Variants in C9orf85 observed in about 807,000 individuals in gnomAD.
C9orf85 encodes chromosome 9 open reading frame 85.
Under a neutral mutation model 14.9 loss-of-function variants are expected in C9orf85, and 16 were observed. That is an observed-to-expected ratio of 1.08 (90% CI 0.73 to 1.63). The LOEUF (loss-of-function observed/expected upper bound fraction) is 1.63, where lower values mean the gene tolerates loss of function less well. C9orf85 is among the 40% of genes most tolerant of loss of function. The probability of loss-of-function intolerance (pLI) is 0.00; values close to 1 mark genes in which losing one functional copy is unlikely to be tolerated. For synonymous variants in C9orf85, 45 were observed against 56.8 expected (o/e 0.79, Z 0.93); for missense variants, 172 against 186.1 (o/e 0.92, Z 0.44).
At chr9:71,941,664 A>G (rs1467401987) in intron 1 of C9orf85, 2 of 152,220 alleles carry the variant, frequency 1.3e-5, no homozygotes, top group Non-Finnish European at 2.9e-5. Context: ...GAGAGATAAC[A>G]GATATACAGT....
intron 1 of C9orf85, among the ~76,000 whole-genome samples, chr9:71,916,209 C>T (rs1827645994): frequency 6.6e-6 from 1 of 151,984 alleles, no homozygotes; most frequent in African/African-American, 2.4e-5. Context: ...AAGGAAAGCT[C>T]CCCAAAAATC....
At chr9:71,919,165 T>G (rs1018663922) in intron 1 of C9orf85, among the ~76,000 whole-genome samples, 3 of 152,224 alleles carry the variant, frequency 2.0e-5, no homozygotes, top group African/African-American at 7.2e-5. Context: ...GGGAAAAACC[T>G]TTACTGTACT....
downstream of C9orf85, among the ~76,000 whole-genome samples, chr9:71,975,136 A>G (rs1822977253): frequency 6.6e-6 from 1 of 152,194 alleles, no homozygotes; most frequent in Non-Finnish European, 1.5e-5. Context: ...ACAAAAATAT[A>G]AAATCTTATC....
intron 2 of C9orf85, among the ~76,000 whole-genome samples, chr9:71,962,495 C>T (rs974038264): frequency 3.3e-5 from 5 of 152,160 alleles, no homozygotes; most frequent in African/African-American, 1.2e-4. Context: ...GGGTGGAGTA[C>T]TGTGGAACAC....
intron 2 of C9orf85, among the ~76,000 whole-genome samples, chr9:71,970,758 TAG>T (rs749199597): frequency 6.6e-6 from 1 of 152,090 alleles, no homozygotes; most frequent in Non-Finnish European, 1.5e-5. Context: ...GGAATTTTAA[TAG>T]AGAGTTCATT....
intron 1 of C9orf85, among the ~76,000 whole-genome samples, chr9:71,920,696 T>C (rs1021500467): frequency 7.9e-5 from 12 of 152,220 alleles, no homozygotes. Flanking sequence ...TCAACCTCAA[T>C]GGCTGGTGCT....
intron 3 of C9orf85, among the ~76,000 whole-genome samples, chr9:71,972,150 A>G (rs1450457149): frequency 6.6e-6 from 1 of 152,202 alleles, no homozygotes; most frequent in East Asian, 1.9e-4. Context: ...TTACAAAAGA[A>G]TTACACATTA....
intron 1 of C9orf85, among the ~76,000 whole-genome samples, chr9:71,912,172 G>A (rs1268365514): frequency 6.6e-6 from 1 of 151,962 alleles, no homozygotes; most frequent in African/African-American, 2.4e-5. Context: ...ATTGTGGCAT[G>A]AGTGGCTTTT....
intron 1 of C9orf85, among the ~76,000 whole-genome samples, chr9:71,916,975 T>C (rs563545763): frequency 1.2e-4 from 18 of 152,312 alleles, no homozygotes; most frequent in African/African-American, 4.3e-4. Flanking sequence ...CTAAGATAGA[T>C]GCAAAATGAT....
intron 1 of C9orf85, among the ~76,000 whole-genome samples, chr9:71,920,085 G>A (rs571492175): frequency 1.3e-5 from 2 of 152,134 alleles, no homozygotes; most frequent in East Asian, 1.9e-4. Context: ...TCTTGACCTC[G>A]TGATCTGCCT....
intron 3 of C9orf85, among the ~76,000 whole-genome samples, chr9:71,980,315 A>G (rs1258929240): frequency 6.6e-6 from 1 of 152,066 alleles, no homozygotes; most frequent in Non-Finnish European, 1.5e-5. Context: ...CACCTGGCCT[A>G]TATTTTTTCT....
intron 1 of C9orf85, among the ~76,000 whole-genome samples, chr9:71,915,191 T>A (rs1203050904): frequency 3.3e-5 from 5 of 151,256 alleles, no homozygotes; most frequent in South Asian, 2.1e-4. Context: ...TTATTTTTTT[T>A]TTTTTTTTGA....
intron 1 of C9orf85, among the ~76,000 whole-genome samples, chr9:71,922,498 G>A (rs1827837521): frequency 1.3e-5 from 2 of 152,122 alleles, no homozygotes; most frequent in South Asian, 4.1e-4. Flanking sequence ...AAGTGATGAT[G>A]TATTTTCACC....
downstream of C9orf85, chr9:71,986,041 T>C (rs1823206626): frequency 6.6e-6 from 1 of 152,198 alleles, no homozygotes. Flanking sequence ...TAAAATACTC[T>C]TTAGCAATAA....
At chr9:71,969,320 T>G (rs573578439) in intron 2 of C9orf85, among the ~76,000 whole-genome samples, 8 of 152,200 alleles carry the variant, frequency 5.3e-5, no homozygotes, top group African/African-American at 1.7e-4. Context: ...TTTTGTATTT[T>G]TAGTAGAGAT....
chr9:71,960,404 T>C (rs1169877511), intron 2 of C9orf85, among the ~76,000 whole-genome samples: 5 of 152,218 alleles, frequency 3.3e-5, no homozygotes, highest in African/African-American at 1.2e-4. Flanking sequence ...GTAATCAAAG[T>C]TGCCTATCAA....
At chr9:71,961,100 C>A (rs905715605) in intron 2 of C9orf85, among the ~76,000 whole-genome samples, 1 of 151,350 alleles carries the variant, frequency 6.6e-6, no homozygotes. Flanking sequence ...TCAGTAGAGA[C>A]GGGATTTCTC....
At position 71,911,644 on chromosome 9, in the gene C9orf85, C is replaced by G; in HGVS notation, c.-91C>G. 8.9e-7 allele frequency: 1 copy of G among 1,126,426 alleles called. No individual in the cohort carries two copies. Among genetic ancestry groups the G allele is most frequent in the Non-Finnish European group, 1.4e-6 (1 of 739,524 alleles). The allele number at this position is 1,126,426 out of a possible 1,614,324, so 69.8% of individuals were successfully genotyped here. A position where few individuals can be genotyped will look rare whatever the true frequency, so the allele number is the denominator to read the frequency against. On this transcript the variant is annotated 5_prime_UTR_variant, in exon 1 of 4. Coordinates refer to ENST00000334731, the MANE Select transcript of C9orf85 (RefSeq NM_182505.5). ...GCGTTTGTTTCTTCCGGGTCATTGA[C>G]AGAAGCGTCAATTCCTGGGAGTAGT... is the stretch of plus-strand genomic sequence containing the variant.
At chr9:71,954,545 G>A (rs1289871546) in intron 2 of C9orf85, among the ~76,000 whole-genome samples, 1 of 152,142 alleles carries the variant, frequency 6.6e-6, no homozygotes, top group Non-Finnish European at 1.5e-5. Context: ...CTAAACAAGG[G>A]GTGGATTATT....
Sources: allele counts gnomAD v4.1 joint callset (sites outside exome capture counted in the v4.1 genomes callset), GRCh38; gene constraint gnomAD v4.1.1; transcripts MANE v1.5; gene names NCBI Gene and HGNC (gene_info 2026-07-23, HGNC 2026-07-21).